Variants in ROR2 observed in about 807,000 individuals in gnomAD.
ROR2 encodes the protein ROR family WNT receptor 2.
ROR2 carries 33 observed loss-of-function variants against 74.9 expected under a neutral mutation model. The ratio of observed to expected loss-of-function variants is 0.44; its 90% CI spans 0.33 to 0.59. The LOEUF (loss-of-function observed/expected upper bound fraction) is 0.59. ROR2 is among the 20% of genes least tolerant of loss of function. The pLI, the probability that ROR2 is intolerant of heterozygous loss-of-function variation, is 0.02. For missense variants in ROR2, 1,216 were observed against 1,313.8 expected, an observed-to-expected ratio of 0.93 and a Z score of 1.15; for synonymous variants, 586 against 558.7, an observed-to-expected ratio of 1.05 and a Z score of -0.69.
At chr9:91,829,549 C>CAAAAAAAAAAAAAAAAAAAAA (rs34687056) in intron 1 of ROR2, among the ~76,000 whole-genome samples, 3 of 40,510 alleles carry the variant, frequency 7.4e-5, no homozygotes, top group African/African-American at 2.9e-4. Context: ...GACTCCGTCT[C>CAAAAAAAAAAAAAAAAAAAAA]AAAAAAAAAA....
chr9:91,765,782 G>A (rs1012577100), intron 2 of ROR2, among the ~76,000 whole-genome samples: 1 of 152,278 alleles, frequency 6.6e-6, no homozygotes, highest in African/African-American at 2.4e-5. Context: ...GGGTTCCCTC[G>A]TGGCTTGGTG....
At chr9:91,894,236 G>T (rs1359566047) in intron 1 of ROR2, among the ~76,000 whole-genome samples, 1 of 152,152 alleles carries the variant, frequency 6.6e-6, no homozygotes, top group Non-Finnish European at 1.5e-5. Flanking sequence ...CCTCTACCAA[G>T]AAGTCTCTTC....
At chr9:91,725,627 C>T (rs910914643) in intron 8 of ROR2, among the ~76,000 whole-genome samples, 1 of 152,214 alleles carries the variant, frequency 6.6e-6, no homozygotes, top group South Asian at 2.1e-4. Flanking sequence ...AGTTGTTCTA[C>T]AGAGGTTCCC....
At chr9:91,892,590 C>CTTTTTTTTTTTTTTT (rs547073635) in intron 1 of ROR2, among the ~76,000 whole-genome samples, 1 of 105,464 alleles carries the variant, frequency 9.5e-6, no homozygotes, top group Non-Finnish European at 1.8e-5. Flanking sequence ...CTTTTCTTTT[C>CTTTTTTTTTTTTTTT]TTTTTTTTTT....
intron 1 of ROR2, among the ~76,000 whole-genome samples, chr9:91,870,140 G>A (rs1829753230): frequency 6.7e-6 from 1 of 150,294 alleles, no homozygotes; most frequent in Non-Finnish European, 1.5e-5. Flanking sequence ...TGACACAGGA[G>A]CAGAGCTGAA....
chr9:91,783,790 G>C (rs1191614000), intron 1 of ROR2, among the ~76,000 whole-genome samples: 2 of 152,162 alleles, frequency 1.3e-5, no homozygotes, highest in Admixed American at 1.3e-4. Flanking sequence ...TGTGGGTAAC[G>C]ACCCTATTCA....
At chr9:91,811,354 G>C (rs569807323) in intron 1 of ROR2, among the ~76,000 whole-genome samples, 90 of 152,362 alleles carry the variant, frequency 5.9e-4, no homozygotes, top group African/African-American at 2.0e-3. Context: ...CATTCGGCCC[G>C]TGTGGAAAGC....
intron 1 of ROR2, among the ~76,000 whole-genome samples, chr9:91,918,714 T>C (rs1477531164): frequency 6.6e-6 from 1 of 152,214 alleles, no homozygotes; most frequent in Non-Finnish European, 1.5e-5. Context: ...TGAATTGTAT[T>C]GGCTTGTGGA....
chr9:91,767,414 C>T (rs772656839), intron 2 of ROR2, among the ~76,000 whole-genome samples: 5 of 152,192 alleles, frequency 3.3e-5, no homozygotes, highest in Non-Finnish European at 5.9e-5. Context: ...CAAGTATTCA[C>T]CAACTTGGTC....
chr9:91,786,362 A>G (rs1345103661), intron 1 of ROR2, among the ~76,000 whole-genome samples: 4 of 121,350 alleles, frequency 3.3e-5, no homozygotes, highest in Admixed American at 7.8e-5. Context: ...AAGTAAATAA[A>G]TAAATAAATA....
chr9:91,789,863 G>A, intron 1 of ROR2, among the ~76,000 whole-genome samples: 1 of 151,930 alleles, frequency 6.6e-6, no homozygotes, highest in East Asian at 1.9e-4. Flanking sequence ...GGGTAAAAAA[G>A]GCAAATCAAA....
At chr9:91,852,517 G>C (rs1489138063) in intron 1 of ROR2, among the ~76,000 whole-genome samples, 1 of 152,122 alleles carries the variant, frequency 6.6e-6, no homozygotes, top group Non-Finnish European at 1.5e-5. Flanking sequence ...AGGATTTCCT[G>C]AAAGAGGTGC....
intron 1 of ROR2, among the ~76,000 whole-genome samples, chr9:91,793,277 A>G (rs1272694590): frequency 1.3e-5 from 2 of 152,204 alleles, no homozygotes; most frequent in African/African-American, 4.8e-5. Flanking sequence ...AATGATCCAA[A>G]TATGTATGAA....
At chr9:91,904,456 G>A (rs1368021231) in intron 1 of ROR2, among the ~76,000 whole-genome samples, 1 of 152,216 alleles carries the variant, frequency 6.6e-6, no homozygotes, top group Non-Finnish European at 1.5e-5. Context: ...GCTGGGGTAG[G>A]GAGCGGTAGG....
At chr9:91,833,625 G>A (rs1828532144) in intron 1 of ROR2, among the ~76,000 whole-genome samples, 1 of 152,124 alleles carries the variant, frequency 6.6e-6, no homozygotes, top group Non-Finnish European at 1.5e-5. Flanking sequence ...GCAGCCCATG[G>A]CCAGCGCACC....
intron 4 of ROR2, among the ~76,000 whole-genome samples, chr9:91,742,397 G>A (rs1033621000): frequency 3.9e-5 from 6 of 152,290 alleles, no homozygotes; most frequent in South Asian, 2.1e-4. Flanking sequence ...CAGCCAAACC[G>A]TATCACAGGG....
intron 1 of ROR2, among the ~76,000 whole-genome samples, chr9:91,832,792 A>T (rs1260892443): frequency 6.6e-6 from 1 of 152,208 alleles, no homozygotes; most frequent in African/African-American, 2.4e-5. Flanking sequence ...TTGGACCCTG[A>T]CAGGTACACT....
At chr9:91,862,286 C>T (rs377310085) in intron 1 of ROR2, among the ~76,000 whole-genome samples, 1 of 151,826 alleles carries the variant, frequency 6.6e-6, no homozygotes, top group African/African-American at 2.4e-5. Context: ...GCTGACATCA[C>T]GCCACTGCAC....
At chr9:91,775,640 A>G in intron 2 of ROR2, 101 bp downstream of exon 2, 2 of 1,085,114 alleles carry the variant, frequency 1.8e-6, no homozygotes, top group Non-Finnish European at 2.8e-6. Flanking sequence ...CCAAGGGGCC[A>G]GAGGACCCCC....
Sources: gnomAD v4.1 joint callset for allele counts (sites outside exome capture counted in the v4.1 genomes callset) on GRCh38, gnomAD v4.1.1 for gene constraint, MANE v1.5 for transcripts, NCBI Gene and HGNC (gene_info 2026-07-23, HGNC 2026-07-21) for gene names.